Variants in NT5DC1 observed in about 807,000 individuals in gnomAD.
NT5DC1 encodes the protein 5'-nucleotidase domain-containing protein 1.
Under a neutral mutation model 59.4 loss-of-function variants are expected in NT5DC1, and 42 were observed. The observed-to-expected ratio is 0.71, with a 90% CI of 0.55 to 0.92. The LOEUF (loss-of-function observed/expected upper bound fraction) is 0.92, where lower values mean the gene tolerates loss of function less well. Ranked by LOEUF, NT5DC1 falls within the 40% of genes least tolerant of loss-of-function variation. The pLI is 0.00. For synonymous variants in NT5DC1, 172 were observed against 188.1 expected, an observed-to-expected ratio of 0.91 and a Z score of 0.70; for missense variants, 501 against 537.1, an observed-to-expected ratio of 0.93 and a Z score of 0.66.
At chr6:116,235,516 TTATC>T (rs1355569336) in intron 8 of NT5DC1, among the ~76,000 whole-genome samples, 3 of 152,250 alleles carry the variant, frequency 2.0e-5, no homozygotes, top group African/African-American at 7.2e-5. Flanking sequence ...TTGGCTGTAA[TTATC>T]TATAAATGTA....
At chr6:116,108,202 A>G (rs1778803643) in intron 2 of NT5DC1, among the ~76,000 whole-genome samples, 162 bp from the exon 3 acceptor site, 1 of 152,192 alleles carries the variant, frequency 6.6e-6, no homozygotes, top group South Asian at 2.1e-4. Flanking sequence ...ATAGATATTT[A>G]ATTTTACAGT....
At chr6:116,102,228 C>G (rs752631788) in intron 1 of NT5DC1, among the ~76,000 whole-genome samples, 5 of 144,988 alleles carry the variant, frequency 3.4e-5, no homozygotes, top group Non-Finnish European at 5.9e-5. Context: ...CCCGCCAGTT[C>G]CTGCACCCAC....
rs1554197064 is a variant in NT5DC1, at chr6:116,163,141, A to AT, written c.529+45196_529+45197insT. Reference sequence around the variant, plus strand: ...GACTCCGTCTCAAAAAAAAAAAAAAAATATATATATATATATATATATTAG... The same window carrying AT: ...GACTCCGTCTCAAAAAAAAAAAAAAATATATATATATATATATATATATTAG... On this transcript the variant is annotated intron_variant, in intron 6 of 11. Transcript: ENST00000319550. 4.4e-3 allele frequency among the ~76,000 whole-genome samples: 391 copies of AT among 88,372 alleles called. 3 individuals carry two copies. Among genetic ancestry groups the AT allele is most frequent in the Non-Finnish European group, 6.6e-3 (329 of 50,012 alleles). The allele number at this position is 88,372 out of a possible 152,430, so 58.0% of individuals were successfully genotyped here.
intron 6 of NT5DC1, among the ~76,000 whole-genome samples, chr6:116,135,857 A>ATATATG (rs1329301783): frequency 8.5e-6 from 1 of 117,602 alleles, no homozygotes; most frequent in Non-Finnish European, 1.7e-5. Flanking sequence ...ATATATATAT[A>ATATATG]TATATATATA....
At chr6:116,192,227 T>C (rs1781136556) in intron 6 of NT5DC1, among the ~76,000 whole-genome samples, 1 of 151,988 alleles carries the variant, frequency 6.6e-6, no homozygotes. Flanking sequence ...GCTCTTAAAA[T>C]TGGGATAAGT....
chr6:116,196,010 G>A lies in NT5DC1; in HGVS notation c.530-25044G>A, dbSNP rs554724537. ...ATCCATCTGTCTAGTACTTGTTTGA[G>A]TACCTATTGTAACACTCATTGGTTG... On this transcript the variant is annotated intron_variant, in intron 6 of 11. Coordinates refer to ENST00000319550, the MANE Select transcript of NT5DC1 (RefSeq NM_152729.3). 5.3e-5 allele frequency among the ~76,000 whole-genome samples: 8 copies of A among 152,138 alleles called. No individual in the cohort carries two copies. In the South Asian group the frequency reaches 1.7e-3, roughly 32 times the overall value.
At chr6:116,135,869 A>ATGTGTATATATATATATGTATGTATG (rs1779585570) in intron 6 of NT5DC1, among the ~76,000 whole-genome samples, 1 of 113,412 alleles carries the variant, frequency 8.8e-6, no homozygotes, top group African/African-American at 4.2e-5. Context: ...ATATATATAT[A>ATGTGTATATATATATATGTATGTATG]TATACACACA....
chr6:116,195,434 A>G (rs1186205833), intron 6 of NT5DC1, among the ~76,000 whole-genome samples: 1 of 151,966 alleles, frequency 6.6e-6, no homozygotes, highest in Non-Finnish European at 1.5e-5. Flanking sequence ...AGGTCATAGT[A>G]GTTTACCAGA....
At chr6:116,237,639 G>A (rs768163598) in intron 9 of NT5DC1, 29 of 384,932 alleles carry the variant, frequency 7.5e-5, no homozygotes, top group East Asian at 6.5e-4. Context: ...AAAATTGAGA[G>A]GTATGGACTC....
At chr6:116,203,436 C>T (rs893610177) in intron 6 of NT5DC1, among the ~76,000 whole-genome samples, 103 of 151,832 alleles carry the variant, frequency 6.8e-4, no homozygotes, top group Admixed American at 3.9e-4. Flanking sequence ...TTAATTTTGT[C>T]TCATTTTTTA....
rs576397688 is a variant in NT5DC1 at position 116,196,102 on chromosome 6, A to T, written c.530-24952A>T. Among the ~76,000 whole-genome samples, 23 of 152,072 alleles carry T rather than the reference A, an allele frequency of 1.5e-4. No homozygotes were observed. In the East Asian group the frequency reaches 1.6e-3, roughly 10 times the overall value. Reference sequence around the variant, plus strand: ...ATCCCTGACATTCTGTTATTTCCTGACATCATGCTATCCACAAGAGTGAGA... The same window carrying T: ...ATCCCTGACATTCTGTTATTTCCTGTCATCATGCTATCCACAAGAGTGAGA... On this transcript the variant is annotated intron_variant, in intron 6 of 11. Transcript: ENST00000319550.
At chr6:116,201,510 G>C (rs1055829477) in intron 6 of NT5DC1, among the ~76,000 whole-genome samples, 1 of 151,982 alleles carries the variant, frequency 6.6e-6, no homozygotes, top group Non-Finnish European at 1.5e-5. Context: ...GGACTGCCTC[G>C]GTAATGCTTT....
At chr6:116,130,835 C>T (rs1194038621) in intron 6 of NT5DC1, among the ~76,000 whole-genome samples, 2 of 152,096 alleles carry the variant, frequency 1.3e-5, no homozygotes, top group East Asian at 3.9e-4. Context: ...ATGATACTCA[C>T]AATTTCTCAA....
intron 8 of NT5DC1, among the ~76,000 whole-genome samples, chr6:116,234,868 C>A (rs1782085951): frequency 6.6e-6 from 1 of 152,164 alleles, no homozygotes; most frequent in South Asian, 2.1e-4. Context: ...ATTAATAATT[C>A]TCTGAGTCTT....
At chr6:116,139,116 A>G (rs1262174346) in intron 6 of NT5DC1, among the ~76,000 whole-genome samples, 1 of 152,166 alleles carries the variant, frequency 6.6e-6, no homozygotes, top group Admixed American at 6.5e-5. Context: ...TTAAAAATAC[A>G]GAAAAAAGGA....
chr6:116,142,548 A>G (rs987650975), intron 6 of NT5DC1, among the ~76,000 whole-genome samples: 15 of 152,142 alleles, frequency 9.9e-5, no homozygotes, highest in Admixed American at 9.8e-4. Context: ...ATAAACATAT[A>G]CAGGAAAATA....
chr6:116,132,588 T>C (rs992757290), intron 6 of NT5DC1, among the ~76,000 whole-genome samples: 1 of 152,162 alleles, frequency 6.6e-6, no homozygotes, highest in African/African-American at 2.4e-5. Context: ...CATCAATCAT[T>C]TTATTTTTCA....
At position 116,239,283 on chromosome 6, in the gene NT5DC1, T is replaced by G. The variant is rs569000442; in HGVS notation, c.1252+160T>G. On this transcript the variant is annotated intron_variant, in intron 11 of 11. Coordinates refer to ENST00000319550, the MANE Select transcript of NT5DC1 (RefSeq NM_152729.3). ...AACCTAGGTAATTAGGACCAGCACT[T>G]CTGTGGGAGGCAACTACAAAAGCTC... Among the ~76,000 whole-genome samples the G allele has an allele frequency of 2.6e-5, 4 of 152,334 alleles. No homozygotes were observed. In the East Asian group the frequency reaches 7.7e-4, roughly 29 times the overall value.
At chr6:116,126,883 A>G (rs1779330926) in intron 6 of NT5DC1, among the ~76,000 whole-genome samples, 1 of 152,208 alleles carries the variant, frequency 6.6e-6, no homozygotes, top group African/African-American at 2.4e-5. Flanking sequence ...ACTTGCAGTT[A>G]GGAATCATCC....
Sources: allele counts gnomAD v4.1 joint callset (sites outside exome capture counted in the v4.1 genomes callset), GRCh38; gene constraint gnomAD v4.1.1; transcripts MANE v1.5; gene names NCBI Gene and HGNC (gene_info 2026-07-23, HGNC 2026-07-21).